LRSAM1: variants seen among roughly 807,000 people sequenced by gnomAD.
The protein encoded by LRSAM1 is E3 ubiquitin-protein ligase LRSAM1.
LRSAM1 carries 96 observed loss-of-function variants against 118.1 expected under a neutral mutation model. The observed-to-expected ratio is 0.81, with a 90% confidence interval of 0.69 to 0.96. The LOEUF (loss-of-function observed/expected upper bound fraction) is 0.96, where lower values mean the gene tolerates loss of function less well. Among genes scored for constraint, LRSAM1 ranks in the 40% least tolerant of loss-of-function variants. LRSAM1 has a pLI of 0.00. For missense variants in LRSAM1, 804 were observed against 915.5 expected (o/e 0.88, Z 1.57); for synonymous variants, 322 against 364.2 (o/e 0.88, Z 1.32).
chr9:127,451,660 T>G lies in LRSAM1; in HGVS notation c.-198T>G. 1 of 380,706 alleles carries G rather than the reference T, an allele frequency of 2.6e-6. No individual in the cohort carries two copies. Among genetic ancestry groups the G allele is most frequent in the Non-Finnish European group, 4.9e-6 (1 of 202,066 alleles). The allele number at this position is 380,706 out of a possible 1,614,324, so 23.6% of individuals were successfully genotyped here. ...ATCCCAGCCCTAGCTGTTTCCCATA[T>G]TCCTTTATCGTGAGTGTCACCCCGG... On this transcript the variant is annotated 5_prime_UTR_variant, in exon 1 of 26. Coordinates refer to ENST00000300417, the MANE Select transcript of LRSAM1 (RefSeq NM_001005373.4).
chr9:127,464,480 G>C (rs987473077), intron 9 of LRSAM1, among the ~76,000 whole-genome samples: 1 of 152,126 alleles, frequency 6.6e-6, no homozygotes, highest in Non-Finnish European at 1.5e-5. Context: ...CTGGAATGTG[G>C]CTTGTGTGTA....
At chr9:127,484,766 G>A (rs1274174465) in intron 16 of LRSAM1, among the ~76,000 whole-genome samples, 1 of 147,446 alleles carries the variant, frequency 6.8e-6, no homozygotes, top group African/African-American at 2.5e-5. Context: ...ATCTATTCTA[G>A]TTCCTTCTTT....
chr9:127,480,494 C>T (rs575264008), intron 14 of LRSAM1, among the ~76,000 whole-genome samples: 1 of 152,288 alleles, frequency 6.6e-6, no homozygotes, highest in Admixed American at 6.5e-5. Flanking sequence ...AAACAGGCTC[C>T]AGCCATATGC....
chr9:127,501,043 C>T lies in LRSAM1; in HGVS notation c.1946C>T (p.Pro649Leu). ...CCACCAATGGGTGAGGTCGTCACCC[C>T]TACGGCCCCCCAGGAGCCTCCTGAG... ...LKPPMGEVVTPTAPQEPPESV... is the reference protein window; with the variant it reads ...LKPPMGEVVTLTAPQEPPESV... Residue 649 changes from proline to leucine, a missense_variant, in exon 25 of 26, where the codon CCT (proline) becomes CTT (leucine). By Grantham distance (98) the Pro-to-Leu change is moderately conservative (BLOSUM62 -3). Transcript: ENST00000300417. 7 of 1,614,060 alleles carry T rather than the reference C, an allele frequency of 4.3e-6. No homozygotes were observed. Among genetic ancestry groups the T allele is most frequent in the Non-Finnish European group, 5.9e-6 (7 of 1,180,038 alleles).
chr9:127,466,495 TATATATATA>T (rs201896118), intron 9 of LRSAM1, among the ~76,000 whole-genome samples: 3,780 of 31,732 alleles, frequency 0.12, 406 homozygotes, highest in Non-Finnish European at 0.15. Flanking sequence ...TATATATATA[TATATATATA>T]TTTTTTTTTT....
intron 25 of LRSAM1, among the ~76,000 whole-genome samples, chr9:127,501,428 AG>A (rs1392102945): frequency 6.6e-6 from 1 of 152,126 alleles, no homozygotes; most frequent in Non-Finnish European, 1.5e-5. Flanking sequence ...TACCCTGCAG[AG>A]GCTTTAGAAA....
At position 127,491,159 on chromosome 9, in the gene LRSAM1, A is replaced by G; in HGVS notation, c.1423-56A>G. 2.7e-6 allele frequency: 4 copies of G among 1,469,942 alleles called. No individual in the cohort carries two copies. The South Asian group carries it at 4.5e-5, about 17-fold the overall frequency. 91.1% of individuals were successfully genotyped at this position (1,469,942 alleles called of 1,614,324 possible). ...TTGGTCACCAGAGAGTAGCAGCACA[A>G]AACTGAACTGTGGTTAATGTGAGTA... On this transcript the variant is annotated intron_variant, in intron 19 of 25. Coordinates refer to ENST00000300417, the MANE Select transcript of LRSAM1 (RefSeq NM_001005373.4).
intron 16 of LRSAM1, among the ~76,000 whole-genome samples, chr9:127,484,590 G>A (rs182472260): frequency 8.1e-4 from 122 of 150,768 alleles, no homozygotes; most frequent in Middle Eastern, 3.4e-3. Context: ...AAACTCCTGG[G>A]CTCAAGCAGT....
chr9:127,497,450 C>T, intron 24 of LRSAM1, 116 bp downstream of exon 24: 1 of 1,052,486 alleles, frequency 9.5e-7, no homozygotes, highest in Non-Finnish European at 1.4e-6. Context: ...GTTCTAGCCT[C>T]TGCTGGTCGG....
intron 10 of LRSAM1, chr9:127,470,836 C>T (rs1035928932): frequency 3.3e-5 from 5 of 152,020 alleles, no homozygotes; most frequent in Non-Finnish European, 7.4e-5. Flanking sequence ...GTGTGTTCAC[C>T]TTTAAACATT....
At chr9:127,462,516 G>T in intron 9 of LRSAM1, 143 bp downstream of exon 9, 2 of 1,301,538 alleles carry the variant, frequency 1.5e-6, no homozygotes, top group Non-Finnish European at 1.1e-6. Context: ...GGCTTGTAGA[G>T]AGGCCAATGT....
At chr9:127,466,530 T>TTC (rs1834957466) in intron 9 of LRSAM1, among the ~76,000 whole-genome samples, 4 of 84,158 alleles carry the variant, frequency 4.8e-5, no homozygotes, top group East Asian at 3.7e-4. Context: ...TTTTTTTTTT[T>TTC]CCACTAGAGA....
At chr9:127,495,252 A>G in intron 21 of LRSAM1, 68 bp from the exon 22 acceptor site, 1 of 1,490,460 alleles carries the variant, frequency 6.7e-7, no homozygotes, top group Non-Finnish European at 9.3e-7. Flanking sequence ...CGCGCCTGGC[A>G]ACCATCATTG....
Position 127,497,311 on chromosome 9 carries a change from T to G in LRSAM1, c.1889T>G (p.Leu630Arg). Residue 630 changes from leucine to arginine, a missense_variant, in exon 24 of 26, where the codon CTG becomes CGG. Leu to Arg is a moderately radical substitution (Grantham distance 102). Transcript: ENST00000300417. ...HEILRRVQEL[L>R]DAARIQPELK... ...ATCCTCCGGAGAGTCCAGGAACTGC[T>G]GGATGCAGCCAGGATCCAGCCAGGT... 2 of 1,612,780 alleles carry G rather than the reference T, an allele frequency of 1.2e-6. No homozygotes were observed. Among genetic ancestry groups the G allele is most frequent in the Non-Finnish European group, 1.7e-6 (2 of 1,179,956 alleles).
chr9:127,476,418 C>T (rs1237925913), intron 11 of LRSAM1, among the ~76,000 whole-genome samples: 6 of 152,024 alleles, frequency 3.9e-5, no homozygotes, highest in South Asian at 2.1e-4. Context: ...CATAGTGGCA[C>T]GTGCCTGTGG....
chr9:127,493,370 G>A (rs564856028), intron 21 of LRSAM1, among the ~76,000 whole-genome samples: 18 of 152,216 alleles, frequency 1.2e-4, no homozygotes, highest in African/African-American at 2.6e-4. Context: ...CCTCTCCTGC[G>A]GTTTTGATGC....
rs1039329590 is a variant in LRSAM1 at position 127,462,329 on chromosome 9, A to G, written c.484A>G (p.Ile162Val). Residue 162 changes from isoleucine (I) to valine (V), a missense_variant, in exon 9 of 26, where the codon ATC (isoleucine) becomes GTC (valine). Physicochemically the swap from Ile to Val is conservative, Grantham distance 29. Coordinates refer to ENST00000300417, the MANE Select transcript of LRSAM1 (RefSeq NM_001005373.4). Reference sequence around the variant, plus strand: ...TACCCTCAACATCAGTGGAAACGAGATCCAGAGATTGCCGCAGATGCTGGC... The same window carrying G: ...TACCCTCAACATCAGTGGAAACGAGGTCCAGAGATTGCCGCAGATGCTGGC... Reference protein sequence around the residue: ...LRTLNISGNEIQRLPQMLAHV... With the variant: ...LRTLNISGNEVQRLPQMLAHV... The G allele has an allele frequency of 3.3e-5, 53 of 1,613,968 alleles. No homozygotes were observed. Among genetic ancestry groups the G allele is most frequent in the Non-Finnish European group, 4.0e-5 (47 of 1,180,022 alleles).
chr9:127,475,045 ATT>A (rs1448005388), intron 11 of LRSAM1, among the ~76,000 whole-genome samples: 1 of 119,940 alleles, frequency 8.3e-6, no homozygotes, highest in Non-Finnish European at 1.8e-5. Context: ...TGCATTTGGG[ATT>A]TTATTATTAT....
At chr9:127,469,738 C>T (rs986667838) in intron 10 of LRSAM1, among the ~76,000 whole-genome samples, 22 of 152,110 alleles carry the variant, frequency 1.4e-4, no homozygotes, top group African/African-American at 3.1e-4. Context: ...CCGAGGTGGG[C>T]GGATCATGAC....
Sources: allele counts gnomAD v4.1 joint callset (sites outside exome capture counted in the v4.1 genomes callset), GRCh38; gene constraint gnomAD v4.1.1; transcripts MANE v1.5; gene names NCBI Gene and HGNC (gene_info 2026-07-23, HGNC 2026-07-21).